The following TECTA variants were observed in gnomAD, a reference collection of about 807,000 sequenced individuals.
TECTA encodes the protein alpha-tectorin.
In TECTA, 128 loss-of-function variants were observed where a neutral mutation model predicts 216.8. The observed-to-expected ratio is 0.59, with a 90% CI of 0.51 to 0.68. The LOEUF (loss-of-function observed/expected upper bound fraction) is 0.68. Ranked by LOEUF, TECTA falls within the 30% of genes least tolerant of loss-of-function variation. The probability of loss-of-function intolerance (pLI) is 0.00; values close to 1 mark genes in which losing one functional copy is unlikely to be tolerated. For synonymous variants in TECTA, 1,089 were observed against 1,117.1 expected (o/e 0.97, Z 0.50); for missense variants, 2,551 against 2,786.2 (o/e 0.92, Z 1.90).
chr11:121,122,128 C>A (rs1443150316), intron 7 of TECTA, among the ~76,000 whole-genome samples: 2 of 152,130 alleles, frequency 1.3e-5, no homozygotes, highest in African/African-American at 2.4e-5. Flanking sequence ...TCCCTTCCCC[C>A]ATTGCTATGA....
chr11:121,178,131 C>A (rs977965138), intron 20 of TECTA, among the ~76,000 whole-genome samples: 1 of 152,248 alleles, frequency 6.6e-6, no homozygotes, highest in Admixed American at 6.5e-5. Context: ...TTGTGCTTCC[C>A]AAGTGAGGCA....
intron 10 of TECTA, among the ~76,000 whole-genome samples, chr11:121,132,167 G>T (rs56824928): frequency 0.017 from 2,588 of 152,174 alleles, 74 homozygotes; most frequent in African/African-American, 0.059. Context: ...AATGGCTCCT[G>T]CATTCATTAG....
At chr11:121,179,981 T>G (rs1947209640) in intron 20 of TECTA, among the ~76,000 whole-genome samples, 1 of 151,846 alleles carries the variant, frequency 6.6e-6, no homozygotes, top group Middle Eastern at 3.4e-3. Flanking sequence ...TTTGTTTTTT[T>G]TTTTTTTTAG....
At position 121,143,642 on chromosome 11, in the gene TECTA, C is replaced by T. The variant is rs565000862; in HGVS notation, c.3544-1913C>T. Among the ~76,000 whole-genome samples, 9 of 152,334 alleles carry T rather than the reference C, an allele frequency of 5.9e-5. No individual in the cohort carries two copies. The South Asian group carries it at 1.9e-3, about 32-fold the overall frequency. On this transcript the variant is annotated intron_variant, in intron 11 of 23. Coordinates refer to ENST00000392793, the MANE Select transcript of TECTA (RefSeq NM_005422.4). ...AGCCTTTAGCACAGTGCCTGGCACT[C>T]AGTGGTGCCAAATCAATGTCTACTG...
In TECTA at chr11:121,187,901, C is replaced by T. The variant is rs759915442; in HGVS notation, c.6069C>T (p.His2023=). 3.6e-5 allele frequency: 58 copies of T among 1,614,116 alleles called. 1 individual carries two copies. The highest frequency in any genetic ancestry group is 2.1e-4 in the South Asian group (19 of 91,086). The change falls in exon 21 of 24, where the codon CAC becomes CAT. Residue 2023 remains histidine (H), a synonymous_variant. Coordinates refer to ENST00000392793, the MANE Select transcript of TECTA (RefSeq NM_005422.4). ...CAGTCTCCCTGACCTGTCGCTTTCA[C>T]GTCACCGTCTTTAAATTCATAGGGG... is the stretch of plus-strand genomic sequence containing the variant. ...ENAVSLTCRF[H]VTVFKFIGDY...
In TECTA at chr11:121,190,957, A is replaced by G; in HGVS notation, c.*151A>G. 1 of 635,324 alleles carries G rather than the reference A, an allele frequency of 1.6e-6. No individual in the cohort carries two copies. The highest frequency in any genetic ancestry group is 1.7e-5 in the South Asian group (1 of 60,066). The allele number at this position is 635,324 out of a possible 1,614,324, so 39.4% of individuals were successfully genotyped here. A position where few individuals can be genotyped will look rare whatever the true frequency, so the allele number is the denominator to read the frequency against. The stretch of plus-strand genomic sequence containing the variant: ...GCCTCCAATGGTCCAAGGTCCAGAA[A>G]CCAGCGACCATCCAAGCTCCTCTTT... On this transcript the variant is annotated 3_prime_UTR_variant, in exon 24 of 24. Transcript: ENST00000392793.
chr11:121,125,997 G>T (rs1304771389), intron 8 of TECTA, 125 bp downstream of exon 8: 2 of 1,156,038 alleles, frequency 1.7e-6, no homozygotes, highest in Non-Finnish European at 2.5e-6. Flanking sequence ...GGTTGAAATT[G>T]CACAAATTAC....
chr11:121,134,325 C>CCACACACACACACACACACACACACA (rs6144537), intron 10 of TECTA, among the ~76,000 whole-genome samples: 120 of 146,964 alleles, frequency 8.2e-4, no homozygotes, highest in Non-Finnish European at 7.6e-4. Flanking sequence ...AAAACCAACA[C>CCACACACACACACACACACACACACA]CACACACACA....
intron 11 of TECTA, among the ~76,000 whole-genome samples, chr11:121,141,859 C>T (rs564305022): frequency 4.3e-4 from 65 of 152,246 alleles, no homozygotes; most frequent in South Asian, 2.5e-3. Context: ...TAGAGTCTAG[C>T]GCAAGAGACA....
rs1300466172 is a variant in TECTA, at chr11:121,101,462, A to G, written c.-2+20A>G. 1 of 152,170 alleles carries G rather than the reference A, an allele frequency of 6.6e-6. No homozygotes were observed. Among genetic ancestry groups the G allele is most frequent in the East Asian group, 1.9e-4 (1 of 5,202 alleles). The allele number at this position is 152,170 out of a possible 1,614,324, so 9.4% of individuals were successfully genotyped here. ...GAACAGGTTAGTGACATTTTTCATA[A>G]ATACAAATATCTAAATGAATCCTCC... On this transcript the variant is annotated intron_variant, in intron 1 of 23. Coordinates refer to ENST00000392793, the MANE Select transcript of TECTA (RefSeq NM_005422.4).
At chr11:121,165,417 G>A (rs956069452) in intron 17 of TECTA, 34 bp downstream of exon 17, 1 of 1,532,808 alleles carries the variant, frequency 6.5e-7, no homozygotes, top group African/African-American at 1.4e-5. Context: ...CACCCAGAAA[G>A]GCCCCATGGG....
rs143167946 is a variant in TECTA at position 121,101,667 on chromosome 11, A to C, written c.-2+225A>C. On this transcript the variant is annotated intron_variant, in intron 1 of 23. Transcript: ENST00000392793. ...ACTTGACAACTAAAGATTTGCAATAAAACTCTCACAGGATAAATTCATTGC... is the reference window on the plus strand; with the variant it reads ...ACTTGACAACTAAAGATTTGCAATACAACTCTCACAGGATAAATTCATTGC... Among the ~76,000 whole-genome samples, 1,065 of 152,344 alleles carry C rather than the reference A, an allele frequency of 7.0e-3. 13 individuals are homozygous for C. The highest frequency in any genetic ancestry group is 0.024 in the African/African-American group (1,018 of 41,588).
intron 10 of TECTA, among the ~76,000 whole-genome samples, chr11:121,137,182 AC>A (rs1946736225): frequency 6.6e-6 from 1 of 152,104 alleles, no homozygotes; most frequent in Non-Finnish European, 1.5e-5. Context: ...GTGTGCACAC[AC>A]AGGCACTCAT....
intron 9 of TECTA, among the ~76,000 whole-genome samples, chr11:121,128,663 C>A (rs1946641529): frequency 6.6e-6 from 1 of 152,172 alleles, no homozygotes; most frequent in African/African-American, 2.4e-5. Flanking sequence ...TCTTATGATC[C>A]TCATTTTACA....
chr11:121,174,511 T>C (rs1048117261), intron 20 of TECTA, among the ~76,000 whole-genome samples: 2 of 152,254 alleles, frequency 1.3e-5, no homozygotes, highest in African/African-American at 4.8e-5. Context: ...TTATGTATAT[T>C]GAACCAGCCT....
intron 2 of TECTA, among the ~76,000 whole-genome samples, chr11:121,103,714 A>G (rs533537961): frequency 2.0e-5 from 3 of 152,074 alleles, no homozygotes; most frequent in Non-Finnish European, 4.4e-5. Flanking sequence ...AGTTTTATAT[A>G]TATATATAAA....
rs748847978 is a variant in TECTA at position 121,189,176 on chromosome 11, G to C, written c.6250+9G>C. ...ACCTATTAGGAGAAAAAGTATGTAT[G>C]TTCCCTAAAACACACCCTAAATTAT... On this transcript the variant is annotated intron_variant, in intron 22 of 23. Coordinates refer to ENST00000392793, the MANE Select transcript of TECTA (RefSeq NM_005422.4). 34 of 1,612,994 alleles carry C rather than the reference G, an allele frequency of 2.1e-5. No individual in the cohort carries two copies. The highest frequency in any genetic ancestry group is 2.7e-5 in the African/African-American group (2 of 74,888).
intron 13 of TECTA, among the ~76,000 whole-genome samples, chr11:121,155,412 C>G (rs914360030): frequency 1.3e-5 from 2 of 152,158 alleles, no homozygotes; most frequent in African/African-American, 4.8e-5. Context: ...GAAATGAAGT[C>G]AATTTGTGAG....
At chr11:121,162,603 C>A (rs1021303728) in intron 16 of TECTA, among the ~76,000 whole-genome samples, 8 of 152,140 alleles carry the variant, frequency 5.3e-5, no homozygotes, top group African/African-American at 1.7e-4. Context: ...GGAAAACAAA[C>A]GTGGGAAGAT....
Sources: allele counts gnomAD v4.1 joint callset (sites outside exome capture counted in the v4.1 genomes callset), GRCh38; gene constraint gnomAD v4.1.1; transcripts MANE v1.5; gene names NCBI Gene and HGNC (gene_info 2026-07-23, HGNC 2026-07-21).